Variants in AFAP1 observed in about 807,000 individuals in gnomAD.
The protein encoded by AFAP1 is actin filament-associated protein 1.
AFAP1 carries 75 observed loss-of-function variants against 93.9 expected under a neutral mutation model. That is an observed-to-expected ratio of 0.80 (90% CI 0.66 to 0.97). AFAP1 has a LOEUF of 0.97. Ranked by LOEUF, AFAP1 falls within the 50% of genes least tolerant of loss-of-function variation. The pLI, the probability that AFAP1 is intolerant of heterozygous loss-of-function variation, is 0.00. For missense variants in AFAP1, 1,201 were observed against 1,050.8 expected (o/e 1.14, Z -1.98); for synonymous variants, 517 against 430.7 (o/e 1.20, Z -2.48).
chr4:7,864,167 A>AACTTCT (rs1577313455), intron 3 of AFAP1, among the ~76,000 whole-genome samples: 3 of 125,726 alleles, frequency 2.4e-5, no homozygotes, highest in African/African-American at 8.9e-5. Flanking sequence ...ATCACAACCC[A>AACTTCT]CAGGTCCTTT....
chr4:7,928,992 C>G (rs1336942038), intron 1 of AFAP1, among the ~76,000 whole-genome samples: 1 of 152,224 alleles, frequency 6.6e-6, no homozygotes, highest in African/African-American at 2.4e-5. Flanking sequence ...GGGCAAGTAA[C>G]AGATCACTCC....
chr4:7,882,649 A>C (rs1485132939), intron 1 of AFAP1, among the ~76,000 whole-genome samples: 6 of 152,166 alleles, frequency 3.9e-5, no homozygotes, highest in African/African-American at 1.4e-4. Flanking sequence ...GCACAAGGTC[A>C]GGAGATCAAG....
Position 7,778,797 on chromosome 4 carries a change from G to C in AFAP1, c.1862C>G (p.Ala621Gly), listed in dbSNP as rs114090608. ...CCTTTTCACAACAGCCGCGGGATCC[G>C]CTTTCTTTGGCTGACTGCTCAGAGT... ...GKTLSSQPKK[A>G]DPAAVVKRTG... Residue 621 changes from alanine (A) to glycine (G), a missense_variant, in exon 14 of 18, where the codon GCG (alanine) becomes GGG (glycine). Coordinates refer to ENST00000420658, the MANE Select transcript of AFAP1 (RefSeq NM_001134647.2). 1 of 1,614,180 alleles carries C rather than the reference G, an allele frequency of 6.2e-7. No individual in the cohort carries two copies. Among genetic ancestry groups the C allele is most frequent in the Non-Finnish European group, 8.5e-7 (1 of 1,180,028 alleles).
chr4:7,909,052 CTAAAG>C (rs1189177246), intron 1 of AFAP1, among the ~76,000 whole-genome samples: 6 of 152,192 alleles, frequency 3.9e-5, no homozygotes, highest in Non-Finnish European at 7.3e-5. Context: ...TCACTTAAAA[CTAAAG>C]TAGTCTTTGG....
chr4:7,887,697 C>T (rs1360962076), intron 1 of AFAP1, among the ~76,000 whole-genome samples: 1 of 152,128 alleles, frequency 6.6e-6, no homozygotes, highest in Non-Finnish European at 1.5e-5. Context: ...CGCATATACT[C>T]TTACTGGGCA....
At chr4:7,769,152 G>A in intron 16 of AFAP1, 144 bp from the exon 17 acceptor site, 1 of 1,115,536 alleles carries the variant, frequency 9.0e-7, no homozygotes, top group South Asian at 1.7e-5. Flanking sequence ...CTGCCACGTG[G>A]TCAGTGCCTC....
intron 10 of AFAP1, among the ~76,000 whole-genome samples, chr4:7,794,731 G>C (rs1051093341): frequency 2.0e-5 from 3 of 151,936 alleles, no homozygotes; most frequent in Admixed American, 6.6e-5. Context: ...TCACCATCTT[G>C]CCCAGGCTGG....
chr4:7,799,573 A>C (rs1379438189), intron 10 of AFAP1, among the ~76,000 whole-genome samples: 2 of 152,158 alleles, frequency 1.3e-5, no homozygotes, highest in Non-Finnish European at 2.9e-5. Flanking sequence ...TATCGATTCT[A>C]CAGCACAAGG....
chr4:7,901,614 A>C (rs1399148033), intron 1 of AFAP1, among the ~76,000 whole-genome samples: 1 of 152,212 alleles, frequency 6.6e-6, no homozygotes, highest in Non-Finnish European at 1.5e-5. Flanking sequence ...AAGATAGGGA[A>C]GGTAGGGAAG....
intron 2 of AFAP1, among the ~76,000 whole-genome samples, chr4:7,869,896 G>A (rs7680747): frequency 0.31 from 47,047 of 152,030 alleles, 8,939 homozygotes; most frequent in Non-Finnish European, 0.44. Flanking sequence ...GCAAATTAAA[G>A]AGCTGAAGAA....
chr4:7,887,565 A>C (rs964294486), intron 1 of AFAP1, among the ~76,000 whole-genome samples: 3 of 152,222 alleles, frequency 2.0e-5, no homozygotes, highest in Non-Finnish European at 2.9e-5. Flanking sequence ...ATTGAGCCAA[A>C]AATAGCATAA....
At chr4:7,811,498 TG>T (rs143198671) in intron 8 of AFAP1, among the ~76,000 whole-genome samples, 13,440 of 151,960 alleles carry the variant, frequency 0.088, 1,232 homozygotes, top group East Asian at 0.5. Context: ...GAGCGGGAAG[TG>T]GTCCTCTTTC....
chr4:7,790,004 T>C (rs1024369703), intron 11 of AFAP1, among the ~76,000 whole-genome samples: 1 of 152,372 alleles, frequency 6.6e-6, no homozygotes, highest in Non-Finnish European at 1.5e-5. Flanking sequence ...ATCTCCATTA[T>C]TATCTTACAC....
At chr4:7,808,792 G>A (rs1010294423) in intron 9 of AFAP1, among the ~76,000 whole-genome samples, 4 of 152,030 alleles carry the variant, frequency 2.6e-5, no homozygotes, top group Non-Finnish European at 5.9e-5. Flanking sequence ...TGGTTCCTGC[G>A]AGATCTGATG....
chr4:7,763,979 T>C (rs115772101), intron 17 of AFAP1, among the ~76,000 whole-genome samples, 188 bp from the exon 18 acceptor site: 45 of 152,076 alleles, frequency 3.0e-4, no homozygotes, highest in African/African-American at 1.0e-3. Context: ...GAGAGCATGG[T>C]CTCCAGCAGA....
chr4:7,928,069 A>G (rs1720867014), intron 1 of AFAP1, among the ~76,000 whole-genome samples: 1 of 152,218 alleles, frequency 6.6e-6, no homozygotes, highest in African/African-American at 2.4e-5. Flanking sequence ...GATGGTAGTT[A>G]GAGTTACTAG....
At chr4:7,798,354 T>C (rs1374366345) in intron 10 of AFAP1, among the ~76,000 whole-genome samples, 5 of 126,726 alleles carry the variant, frequency 3.9e-5, no homozygotes, top group Non-Finnish European at 8.6e-5. Context: ...CTCACAGCAC[T>C]GCAACTCTAT....
chr4:7,924,263 T>C (rs1248798103), intron 1 of AFAP1, among the ~76,000 whole-genome samples: 1 of 152,172 alleles, frequency 6.6e-6, no homozygotes, highest in East Asian at 1.9e-4. Context: ...GTCCCTTCCA[T>C]TCACAAATTC....
intron 4 of AFAP1, among the ~76,000 whole-genome samples, chr4:7,845,193 G>A (rs750076201): frequency 3.9e-5 from 6 of 152,096 alleles, no homozygotes; most frequent in South Asian, 4.1e-4. Flanking sequence ...AGGCCAAGGC[G>A]GGCGAATCAC....
Sources: allele counts gnomAD v4.1 joint callset (sites outside exome capture counted in the v4.1 genomes callset), GRCh38; gene constraint gnomAD v4.1.1; transcripts MANE v1.5; gene names NCBI Gene and HGNC (gene_info 2026-07-23, HGNC 2026-07-21).